The following ETS2 variants were observed in gnomAD, a reference collection of about 807,000 sequenced individuals.
The protein encoded by ETS2 is protein C-ets-2.
A neutral mutation model predicts 54.9 loss-of-function variants in ETS2; 19 were observed. The ratio of observed to expected loss-of-function variants is 0.35; its 90% CI spans 0.24 to 0.51. The LOEUF (loss-of-function observed/expected upper bound fraction) is 0.51, where lower values mean the gene tolerates loss of function less well. ETS2 is among the 20% of genes least tolerant of loss of function. ETS2 has a pLI of 0.97. For synonymous variants in ETS2, 219 were observed against 229.3 expected (o/e 0.95, Z 0.41); for missense variants, 417 against 593.0 (o/e 0.70, Z 3.08).
Position 38,814,999 on chromosome 21 carries a change from T to A in ETS2, c.505+18T>A. The A allele has an allele frequency of 1.2e-6, 2 of 1,611,104 alleles. No homozygotes were observed. Among genetic ancestry groups the A allele is most frequent in the Non-Finnish European group, 1.7e-6 (2 of 1,177,302 alleles). ...GATCAAAGGTACCAGCTGAACGTCT[T>A]ACTTCTCCTTGTCCAGGATGAGCTG... On this transcript the variant is annotated intron_variant, in intron 5 of 9. Coordinates refer to ENST00000360938, the MANE Select transcript of ETS2 (RefSeq NM_005239.6). The surrounding 1 kb of genome is among the most constrained non-coding windows in gnomAD (Gnocchi z 4.2).
At chr21:38,805,480 C>G, upstream of ETS2, 1 of 1,288,186 alleles carries the variant, frequency 7.8e-7, no homozygotes, top group Non-Finnish European at 1.0e-6. This position sits in a 1 kb window ranked among gnomAD's most constrained non-coding sequence, Gnocchi z 5.2. Context: ...GAGAGGACGC[C>G]GAGCGCTCCA....
rs1601422848 is a variant in ETS2, at chr21:38,806,225, C to T, written c.-1+105C>T. The T allele has an allele frequency of 2.0e-6, 2 of 989,358 alleles. No individual in the cohort carries two copies. Among genetic ancestry groups the T allele is most frequent in the South Asian group, 4.5e-5 (1 of 22,244 alleles). 61.3% of individuals were successfully genotyped at this position (989,358 alleles called of 1,614,324 possible). On this transcript the variant is annotated intron_variant, in intron 1 of 9. Coordinates refer to ENST00000360938, the MANE Select transcript of ETS2 (RefSeq NM_005239.6). The surrounding 1 kb of genome is among the most constrained non-coding windows in gnomAD (Gnocchi z 4.3). Reference sequence around the variant, plus strand: ...GCGGGGGGCACTGACACGCAGATCTCGGGGCGCTGCCGGGGGTGCAGGTGG... The same window carrying T: ...GCGGGGGGCACTGACACGCAGATCTTGGGGCGCTGCCGGGGGTGCAGGTGG...
At chr21:38,809,012 A>C (rs530097142) in intron 1 of ETS2, among the ~76,000 whole-genome samples, 2 of 152,362 alleles carry the variant, frequency 1.3e-5, no homozygotes, top group Admixed American at 6.5e-5. Context: ...CTGGCTGAAC[A>C]ATTACATTTT....
At chr21:38,807,465 C>T (rs755653046) in intron 1 of ETS2, among the ~76,000 whole-genome samples, 20 of 146,610 alleles carry the variant, frequency 1.4e-4, no homozygotes, top group South Asian at 2.1e-4. Context: ...ATCAGCAACA[C>T]CAAACTTGAA....
At chr21:38,805,547 C>T (rs1476121448), upstream of ETS2, 1 of 1,285,536 alleles carries the variant, frequency 7.8e-7, no homozygotes, top group Non-Finnish European at 1.0e-6. This position sits in a 1 kb window ranked among gnomAD's most constrained non-coding sequence, Gnocchi z 5.2. Context: ...GGGGCCGAGG[C>T]CCTGCTCCCG....
rs1231093574 is a variant in ETS2 at position 38,823,591 on chromosome 21, T to G, written c.*702T>G. On this transcript the variant is annotated 3_prime_UTR_variant, in exon 10 of 10. Coordinates refer to ENST00000360938, the MANE Select transcript of ETS2 (RefSeq NM_005239.6). Reference sequence around the variant, plus strand: ...TTAATAGACTTACAGGGATAAGGCCTGTGGGGGGTAATCCCTGCTTTTTGT... The same window carrying G: ...TTAATAGACTTACAGGGATAAGGCCGGTGGGGGGTAATCCCTGCTTTTTGT... The G allele has an allele frequency of 6.6e-6, 1 of 151,968 alleles. No individual in the cohort carries two copies. The highest frequency in any genetic ancestry group is 2.1e-4 in the South Asian group (1 of 4,768). The allele number at this position is 151,968 out of a possible 1,614,324, so 9.4% of individuals were successfully genotyped here.
Position 38,806,145 on chromosome 21 carries a change from G to T in ETS2, c.-1+25G>T, listed in dbSNP as rs1014666014. ...GGTAAGAGCTGGGCCCGCAGAGAGC[G>T]CCCGGCGCGCGGCTCCAGTCCCATG... On this transcript the variant is annotated intron_variant, in intron 1 of 9. Coordinates refer to ENST00000360938, the MANE Select transcript of ETS2 (RefSeq NM_005239.6). The surrounding 1 kb of genome is among the most constrained non-coding windows in gnomAD (Gnocchi z 4.3). 5.9e-6 allele frequency: 6 copies of T among 1,013,130 alleles called. No homozygotes were observed. The highest frequency in any genetic ancestry group is 7.1e-6 in the Non-Finnish European group (6 of 848,412). The allele number at this position is 1,013,130 out of a possible 1,614,324, so 62.8% of individuals were successfully genotyped here.
upstream of ETS2, chr21:38,805,872 C>T (rs2060889945): frequency 2.5e-6 from 3 of 1,188,486 alleles, no homozygotes; most frequent in Admixed American, 3.3e-5. This position sits in a 1 kb window ranked among gnomAD's most constrained non-coding sequence, Gnocchi z 5.2. Flanking sequence ...CCTCCTTCCT[C>T]CTCCCTCCTC....
rs114118289 is a variant in ETS2 at position 38,817,390 on chromosome 21, G to A, written c.589+299G>A. Among the ~76,000 whole-genome samples the A allele has an allele frequency of 3.3e-3, 509 of 152,322 alleles. 3 individuals carry two copies. The highest frequency in any genetic ancestry group is 0.012 in the African/African-American group (481 of 41,558). ...TATTGAAATGATAATTGCTATATGA[G>A]GCCAAGTAAAATAAGAAAATTAACT... On this transcript the variant is annotated intron_variant, in intron 6 of 9. Coordinates refer to ENST00000360938, the MANE Select transcript of ETS2 (RefSeq NM_005239.6).
chr21:38,819,083 A>AATGT (rs372906186), intron 7 of ETS2, among the ~76,000 whole-genome samples: 164 of 152,270 alleles, frequency 1.1e-3, no homozygotes, highest in African/African-American at 3.6e-3. Context: ...TCCCATCAAT[A>AATGT]ATGTCCCCCC....
At chr21:38,813,229 A>G in intron 3 of ETS2, 115 bp downstream of exon 3, 1 of 746,306 alleles carries the variant, frequency 1.3e-6, no homozygotes, top group Non-Finnish European at 2.4e-6. Context: ...TTTGATATGA[A>G]TAGCCAGAAG....
Position 38,823,007 on chromosome 21 carries a change from C to A in ETS2, c.*118C>A. On this transcript the variant is annotated 3_prime_UTR_variant, in exon 10 of 10. Transcript: ENST00000360938. Reference sequence around the variant, plus strand: ...GATTGAAAATGTCCAGGAAAGTGGCCAAGAAGCAGTGGCCTTATTGCATCC... The same window carrying A: ...GATTGAAAATGTCCAGGAAAGTGGCAAAGAAGCAGTGGCCTTATTGCATCC... 3.6e-6 allele frequency: 3 copies of A among 844,156 alleles called. No individual in the cohort carries two copies. The highest frequency in any genetic ancestry group is 5.2e-6 in the Non-Finnish European group (3 of 582,318). The allele number at this position is 844,156 out of a possible 1,614,324, so 52.3% of individuals were successfully genotyped here.
At position 38,822,905 on chromosome 21, in the gene ETS2, C is replaced by T. The variant is rs1430254787; in HGVS notation, c.*16C>T. The T allele has an allele frequency of 3.9e-6, 6 of 1,538,514 alleles. No individual in the cohort carries two copies. Among genetic ancestry groups the T allele is most frequent in the Non-Finnish European group, 5.3e-6 (6 of 1,140,822 alleles). On this transcript the variant is annotated 3_prime_UTR_variant, in exon 10 of 10. Transcript: ENST00000360938. ...GGAGGACTGAGGTCGCCGGGACCAC[C>T]CTGAGCCGGCCCCAGGCTCGTGGAC...
chr21:38,805,702 C>T, upstream of ETS2: 2 of 1,105,882 alleles, frequency 1.8e-6, no homozygotes, highest in Non-Finnish European at 2.3e-6. The surrounding 1 kb of genome is among the most constrained non-coding windows in gnomAD (Gnocchi z 5.2). Context: ...TCCCTCTCCT[C>T]TCCCTCCGCT....
upstream of ETS2, chr21:38,805,647 C>T: frequency 8.3e-7 from 1 of 1,203,728 alleles, no homozygotes; most frequent in Non-Finnish European, 1.1e-6. This position sits in a 1 kb window ranked among gnomAD's most constrained non-coding sequence, Gnocchi z 5.2. Context: ...CCCCGCCCCG[C>T]GCTCCCTCGC....
At chr21:38,816,285 T>C (rs2060935276) in intron 5 of ETS2, among the ~76,000 whole-genome samples, 1 of 152,052 alleles carries the variant, frequency 6.6e-6, no homozygotes, top group South Asian at 2.1e-4. Context: ...TAACTTTTTT[T>C]AGTTACGGCG....
chr21:38,811,843 ATTTG>A (rs2060915060), intron 2 of ETS2, among the ~76,000 whole-genome samples: 1 of 150,894 alleles, frequency 6.6e-6, no homozygotes, highest in Non-Finnish European at 1.5e-5. Flanking sequence ...GTTTTGTTTT[ATTTG>A]TTTTTTCGTT....
chr21:38,810,971 T>C (rs2123409348), intron 2 of ETS2, among the ~76,000 whole-genome samples: 1 of 152,348 alleles, frequency 6.6e-6, no homozygotes, highest in East Asian at 1.9e-4. Context: ...CTAGTGAGTC[T>C]GCTTGTTTGA....
rs2060893793 is a variant in ETS2 at position 38,806,514 on chromosome 21, G to A, written c.-1+394G>A. On this transcript the variant is annotated intron_variant, in intron 1 of 9. Coordinates refer to ENST00000360938, the MANE Select transcript of ETS2 (RefSeq NM_005239.6). This position sits in a 1 kb window ranked among gnomAD's most constrained non-coding sequence, Gnocchi z 4.3. ...TCCCGGCGAACATGATTTCGCGAACGGGAGTGGGGGCACAGGAGAGCGTGT... is the reference window on the plus strand; with the variant it reads ...TCCCGGCGAACATGATTTCGCGAACAGGAGTGGGGGCACAGGAGAGCGTGT... The A allele has an allele frequency of 1.0e-6, 1 of 985,498 alleles. No homozygotes were observed. The highest frequency in any genetic ancestry group is 1.2e-6 in the Non-Finnish European group (1 of 829,980). 61.0% of individuals were successfully genotyped at this position (985,498 alleles called of 1,614,324 possible).
Sources: gnomAD v4.1 joint callset for allele counts (sites outside exome capture counted in the v4.1 genomes callset) on GRCh38, gnomAD v4.1.1 for gene constraint, Gnocchi (gnomAD v3.1) non-coding constraint, MANE v1.5 for transcripts, NCBI Gene and HGNC (gene_info 2026-07-23, HGNC 2026-07-21) for gene names.